DCP1A: variants seen among roughly 807,000 people sequenced by gnomAD.
DCP1A encodes the protein mRNA-decapping enzyme 1A.
DCP1A carries 20 observed loss-of-function variants against 58.0 expected under a neutral mutation model. The ratio of observed to expected loss-of-function variants is 0.34; its 90% CI spans 0.24 to 0.50. The LOEUF is 0.50. DCP1A is among the 20% of genes least tolerant of loss of function. The pLI, the probability that DCP1A is intolerant of heterozygous loss-of-function variation, is 0.98. For missense variants in DCP1A, 613 were observed against 712.2 expected (o/e 0.86, Z 1.59); for synonymous variants, 285 against 275.1 (o/e 1.04, Z -0.36).
chr3:53,346,802 T>A (rs575626281), intron 1 of DCP1A, among the ~76,000 whole-genome samples: 1 of 152,250 alleles, frequency 6.6e-6, no homozygotes, highest in South Asian at 2.1e-4. Flanking sequence ...ACGGAAGCCC[T>A]TTTCCTAAGT....
chr3:53,315,040 A>ACT (rs1553689082), intron 4 of DCP1A, among the ~76,000 whole-genome samples: 1 of 151,774 alleles, frequency 6.6e-6, no homozygotes, highest in African/African-American at 2.4e-5. Context: ...AATGGAAGGG[A>ACT]CTCTCACATA....
In DCP1A at chr3:53,347,435, T is replaced by C. The variant is rs782285772; in HGVS notation, c.83A>G (p.Asp28Gly). ...GTACAGAGCGACCTGGCCCGTGAGG[T>C]CTGCGATGCTGGTGATATAGGGGTC... ...QHDPYITSIA[D>G]LTGQVALYTF... is the part of the protein sequence containing the mutation. Residue 28 changes from aspartate to glycine, a missense_variant, in exon 1 of 10, where the codon GAC becomes GGC. Physicochemically the swap from Asp to Gly is moderately conservative, Grantham distance 94. Transcript: ENST00000610213. 1 of 1,613,284 alleles carries C rather than the reference T, an allele frequency of 6.2e-7. No individual in the cohort carries two copies. Among genetic ancestry groups the C allele is most frequent in the Non-Finnish European group, 8.5e-7 (1 of 1,179,532 alleles).
At chr3:53,302,255 T>G (rs1337301720) in intron 6 of DCP1A, among the ~76,000 whole-genome samples, 2 of 152,244 alleles carry the variant, frequency 1.3e-5, no homozygotes, top group Admixed American at 1.3e-4. Context: ...TCTGCATTAT[T>G]TCTTACAACT....
chr3:53,312,476 G>A, intron 4 of DCP1A, 97 bp from the exon 5 acceptor site: 1 of 917,172 alleles, frequency 1.1e-6, no homozygotes, highest in African/African-American at 1.7e-5. Context: ...CACTAAGAGT[G>A]TCACATGATG....
At chr3:53,335,233 C>T (rs567794038) in intron 3 of DCP1A, among the ~76,000 whole-genome samples, 165 of 152,082 alleles carry the variant, frequency 1.1e-3, no homozygotes, top group Non-Finnish European at 2.0e-3. Flanking sequence ...CTCCACCTCC[C>T]GGGTTCAAGC....
At chr3:53,325,557 G>GA (rs1239488401) in intron 3 of DCP1A, among the ~76,000 whole-genome samples, 1 of 152,084 alleles carries the variant, frequency 6.6e-6, no homozygotes, top group Non-Finnish European at 1.5e-5. Context: ...CTTACACCAG[G>GA]AAACAAAAAC....
At chr3:53,321,651 G>A (rs1210347533) in intron 3 of DCP1A, among the ~76,000 whole-genome samples, 1 of 152,158 alleles carries the variant, frequency 6.6e-6, no homozygotes, top group Non-Finnish European at 1.5e-5. Context: ...TCCAGGAGGT[G>A]GAGGTTGCAG....
chr3:53,305,235 G>GT (rs1297011127), intron 5 of DCP1A, among the ~76,000 whole-genome samples: 1 of 152,136 alleles, frequency 6.6e-6, no homozygotes, highest in Non-Finnish European at 1.5e-5. Context: ...ATATAAATAC[G>GT]TGAGTGTTTA....
chr3:53,342,492 TACTG>T (rs2089222853), intron 2 of DCP1A, among the ~76,000 whole-genome samples: 1 of 152,176 alleles, frequency 6.6e-6, no homozygotes, highest in African/African-American at 2.4e-5. Context: ...CCAAAGTCCT[TACTG>T]AGGCCACCAA....
intron 3 of DCP1A, among the ~76,000 whole-genome samples, chr3:53,332,667 A>T (rs1288625894): frequency 1.3e-5 from 2 of 152,086 alleles, no homozygotes; most frequent in Non-Finnish European, 2.9e-5. Flanking sequence ...GATCGAGACC[A>T]TCCTGGCTAA....
chr3:53,337,972 T>C (rs2089144279), intron 3 of DCP1A: 2 of 240,032 alleles, frequency 8.3e-6, no homozygotes, highest in South Asian at 9.4e-5. Context: ...TTTTAGTGGA[T>C]AGCACTACTC....
At chr3:53,316,596 CTTTTTTTTTT>C (rs11351636) in intron 4 of DCP1A, among the ~76,000 whole-genome samples, 1 of 112,350 alleles carries the variant, frequency 8.9e-6, no homozygotes, top group Non-Finnish European at 1.7e-5. Context: ...TTCTTCTTCC[CTTTTTTTTTT>C]TTTTTTTTTT....
At position 53,304,177 on chromosome 3, in the gene DCP1A, C is replaced by A; in HGVS notation, c.624G>T (p.Lys208Asn). The change falls in exon 6 of 10, where the codon AAG (lysine) becomes AAT (asparagine). Residue 208 changes from lysine to asparagine, a missense_variant and splice_region_variant. Coordinates refer to ENST00000610213, the MANE Select transcript of DCP1A (RefSeq NM_018403.7). ...AAGCTAGAGCTTTAGCTGTACAAAC[C>A]TTATCCTGTGACCCGGAGGGCATTT... ...LEEMPSGSQD[K>N]SAPSGHKHLT... 6.2e-7 allele frequency: 1 copy of A among 1,608,870 alleles called. No homozygotes were observed. Among genetic ancestry groups the A allele is most frequent in the Non-Finnish European group, 8.5e-7 (1 of 1,175,838 alleles).
intron 4 of DCP1A, among the ~76,000 whole-genome samples, chr3:53,316,580 TTTC>T (rs1425272390): frequency 6.7e-6 from 1 of 148,470 alleles, no homozygotes; most frequent in Non-Finnish European, 1.5e-5. Context: ...CTCTAATCAC[TTTC>T]TTTTCTTCTT....
At chr3:53,309,361 C>T (rs752660822) in intron 5 of DCP1A, among the ~76,000 whole-genome samples, 13 of 144,430 alleles carry the variant, frequency 9.0e-5, no homozygotes, top group Non-Finnish European at 1.4e-4. Flanking sequence ...CAGAGCGAGA[C>T]TCCATCTCAA....
Position 53,286,866 on chromosome 3 carries a change from C to T in DCP1A, c.*714G>A, listed in dbSNP as rs183258944. 7 of 152,330 alleles carry T rather than the reference C, an allele frequency of 4.6e-5. No homozygotes were observed. The highest frequency in any genetic ancestry group is 4.6e-4 in the Admixed American group (7 of 15,306). The allele number at this position is 152,330 out of a possible 1,614,324, so 9.4% of individuals were successfully genotyped here. A position where few individuals can be genotyped will look rare whatever the true frequency, so the allele number is the denominator to read the frequency against. ...TGGGCATTCCCAGCCCCAGCCTTTC[C>T]TTCAAAGGTATGACATGCCTGTGTC... On this transcript the variant is annotated 3_prime_UTR_variant, in exon 10 of 10. Transcript: ENST00000610213.
chr3:53,287,014 C>G lies in DCP1A; in HGVS notation c.*566G>C, dbSNP rs1315322034. On this transcript the variant is annotated 3_prime_UTR_variant, in exon 10 of 10. Transcript: ENST00000610213. The stretch of plus-strand genomic sequence containing the variant: ...TTAAGAAATTTCACAACTTTTAAGG[C>G]CCAAATGGGGCATTCATATAAAATA... 1 of 152,258 alleles carries G rather than the reference C, an allele frequency of 6.6e-6. No individual in the cohort carries two copies. The highest frequency in any genetic ancestry group is 1.5e-5 in the Non-Finnish European group (1 of 68,082). 9.4% of individuals were successfully genotyped at this position (152,258 alleles called of 1,614,324 possible).
At chr3:53,326,212 T>C (rs574469756) in intron 3 of DCP1A, among the ~76,000 whole-genome samples, 2 of 152,270 alleles carry the variant, frequency 1.3e-5, no homozygotes, top group South Asian at 2.1e-4. Flanking sequence ...ATAATCTCAG[T>C]ACAGAATTTA....
At chr3:53,324,226 G>A (rs189680806) in intron 3 of DCP1A, among the ~76,000 whole-genome samples, 38 of 152,314 alleles carry the variant, frequency 2.5e-4, no homozygotes, top group Non-Finnish European at 4.4e-4. Flanking sequence ...AGCTTAATGG[G>A]TAAGGGATAA....
Sources: allele counts gnomAD v4.1 joint callset (sites outside exome capture counted in the v4.1 genomes callset), GRCh38; gene constraint gnomAD v4.1.1; transcripts MANE v1.5; gene names NCBI Gene and HGNC (gene_info 2026-07-23, HGNC 2026-07-21).